HACE1: variants seen among roughly 807,000 people sequenced by gnomAD.
HACE1 encodes the protein HECT domain and ankyrin repeat containing E3 ubiquitin protein ligase 1.
HACE1 carries 73 observed loss-of-function variants against 118.4 expected under a neutral mutation model. The ratio of observed to expected loss-of-function variants is 0.62; its 90% CI spans 0.51 to 0.75. The LOEUF (loss-of-function observed/expected upper bound fraction) is 0.75. Ranked by LOEUF, HACE1 falls within the 30% of genes least tolerant of loss-of-function variation. The pLI is 0.00. For missense variants in HACE1, 749 were observed against 1,102.2 expected (o/e 0.68, Z 4.54); for synonymous variants, 368 against 374.8 (o/e 0.98, Z 0.21).
rs773653787 is a variant in HACE1 at position 104,777,218 on chromosome 6, G to T, written c.1666C>A (p.Leu556Met). 3 of 1,609,118 alleles carry T rather than the reference G, an allele frequency of 1.9e-6. No homozygotes were observed. Among genetic ancestry groups the T allele is most frequent in the Non-Finnish European group, 2.6e-6 (3 of 1,175,436 alleles). Residue 556 changes from leucine (L) to methionine (M), a missense_variant, in exon 15 of 24, where the codon CTG (leucine) becomes ATG (methionine). By Grantham distance (15) the Leu-to-Met change is conservative (BLOSUM62 2). Around this residue, in one of 5 missense-constraint regions of HACE1, gnomAD observed 195 missense variants for 322.1 expected, o/e 0.61. Coordinates refer to ENST00000262903, the MANE Select transcript of HACE1 (RefSeq NM_020771.4). ...TTGTTAAGCATACCTCTGTGAACCA[G>T]CAGGATATCATTTTCATTCACTGGC... The part of the protein sequence containing the change: ...HRPVNENDIL[L>M]VHRDSIFRSS...
At chr6:104,777,484 AAGAC>A (rs1175845311) in intron 14 of HACE1, among the ~76,000 whole-genome samples, 167 bp from the exon 15 acceptor site, 4 of 152,250 alleles carry the variant, frequency 2.6e-5, no homozygotes, top group African/African-American at 7.2e-5. Context: ...TATTTACAAA[AAGAC>A]AGAACTTAGC....
chr6:104,830,987 C>G (rs558090192), intron 6 of HACE1: 1 of 152,222 alleles, frequency 6.6e-6, no homozygotes, highest in Admixed American at 6.5e-5. Flanking sequence ...AGGGATCTCT[C>G]CACCTAATCT....
chr6:104,752,041 A>G (rs941166946), intron 19 of HACE1, among the ~76,000 whole-genome samples: 6 of 151,942 alleles, frequency 3.9e-5, no homozygotes, highest in Non-Finnish European at 5.9e-5. Context: ...AATTCTTCAC[A>G]GCTCTCAGAG....
At chr6:104,747,608 G>C (rs1241022331) in intron 20 of HACE1, among the ~76,000 whole-genome samples, 1 of 151,884 alleles carries the variant, frequency 6.6e-6, no homozygotes, top group East Asian at 1.9e-4. Context: ...ACTGGCAACA[G>C]TGATGGTATC....
chr6:104,837,268 T>TATTAGCAGAGAG (rs1374476131), intron 5 of HACE1, among the ~76,000 whole-genome samples: 1 of 152,214 alleles, frequency 6.6e-6, no homozygotes, highest in Non-Finnish European at 1.5e-5. Flanking sequence ...GACAGTGTGG[T>TATTAGCAGAGAG]ATTAGCAGAG....
At chr6:104,836,487 T>C (rs533475944) in intron 5 of HACE1, among the ~76,000 whole-genome samples, 9 of 151,506 alleles carry the variant, frequency 5.9e-5, no homozygotes, top group Admixed American at 2.6e-4. Flanking sequence ...CCGAGGCGGG[T>C]GAATCACCGG....
chr6:104,754,313 A>C (rs1778379499), intron 19 of HACE1, among the ~76,000 whole-genome samples: 1 of 152,236 alleles, frequency 6.6e-6, no homozygotes, highest in Non-Finnish European at 1.5e-5. Flanking sequence ...GAATGGAACC[A>C]AGTTGGAAAA....
At position 104,791,611 on chromosome 6, in the gene HACE1, T is replaced by C. The variant is rs762356026; in HGVS notation, c.967A>G (p.Ile323Val). Residue 323 changes from isoleucine to valine, a missense_variant, in exon 11 of 24, where the codon ATT (isoleucine) becomes GTT (valine). This residue lies in a region of HACE1 where 267 missense variants were observed against 312.2 expected (regional missense o/e 0.86). Coordinates refer to ENST00000262903, the MANE Select transcript of HACE1 (RefSeq NM_020771.4). ...YDAQMKSLLR[I>V]VRMFCHVFRI... ...AAGACGTGACAAAACATTCTCACAA[T>C]CCTTAAAAGGCTCTTCATTTGAGCA... 6.2e-7 allele frequency: 1 copy of C among 1,611,792 alleles called. No individual in the cohort carries two copies. The highest frequency in any genetic ancestry group is 2.2e-5 in the East Asian group (1 of 44,820).
chr6:104,780,408 T>C (rs770093170), intron 14 of HACE1: 4 of 435,612 alleles, frequency 9.2e-6, no homozygotes, highest in South Asian at 3.3e-5. Flanking sequence ...CTCCTCTTAA[T>C]AGCATTTGTA....
intron 14 of HACE1, among the ~76,000 whole-genome samples, chr6:104,781,852 A>T (rs914212347): frequency 6.6e-6 from 1 of 152,104 alleles, no homozygotes; most frequent in Non-Finnish European, 1.5e-5. Context: ...ACCACTACAC[A>T]TGTAGACACC....
At chr6:104,824,736 C>T (rs1446285720) in intron 6 of HACE1, 1 of 152,032 alleles carries the variant, frequency 6.6e-6, no homozygotes, top group Admixed American at 6.6e-5. Context: ...TCAATATACA[C>T]TCCACTTAAA....
intron 14 of HACE1, chr6:104,780,347 G>C (rs1781599961): frequency 2.2e-6 from 1 of 451,844 alleles, no homozygotes; most frequent in African/African-American, 2.0e-5. Flanking sequence ...AAACTTTCTA[G>C]AGTACCTGCA....
intron 17 of HACE1, among the ~76,000 whole-genome samples, chr6:104,775,541 G>C (rs1020923189): frequency 2.6e-5 from 4 of 152,110 alleles, no homozygotes; most frequent in Admixed American, 6.5e-5. Flanking sequence ...AGGATATAAA[G>C]AGAAGAAATA....
intron 22 of HACE1, among the ~76,000 whole-genome samples, chr6:104,733,641 T>C (rs187586147): frequency 2.8e-4 from 43 of 151,790 alleles, no homozygotes; most frequent in African/African-American, 8.5e-4. Flanking sequence ...TCACTTGAGA[T>C]CAGTAGGGAC....
intron 22 of HACE1, among the ~76,000 whole-genome samples, chr6:104,738,858 C>T (rs1242081414): frequency 2.0e-5 from 3 of 150,738 alleles, no homozygotes; most frequent in Admixed American, 1.3e-4. Context: ...CTCCAAGACA[C>T]ATAACTGTCA....
chr6:104,851,048 A>G, intron 2 of HACE1, 52 bp from the exon 3 acceptor site: 1 of 1,013,004 alleles, frequency 9.9e-7, no homozygotes, highest in Non-Finnish European at 1.6e-6. Context: ...TTTTAAAAAC[A>G]TAATAAATCA....
In HACE1 at chr6:104,742,184, G is replaced by A. The variant is rs1381906949; in HGVS notation, c.2513+1976C>T. On this transcript the variant is annotated intron_variant, in intron 22 of 23. Transcript: ENST00000262903. The stretch of plus-strand genomic sequence containing the variant: ...TTCAAGATGGATTAAAGACTTAAAC[G>A]TTAGACCTAAAACCATAAAAACACT... 2.3e-5 allele frequency among the ~76,000 whole-genome samples: 3 copies of A among 132,282 alleles called. 1 individual carries two copies. Among genetic ancestry groups the A allele is most frequent in the African/African-American group, 3.3e-5 (1 of 30,540 alleles). The allele number at this position is 132,282 out of a possible 152,430, so 86.8% of individuals were successfully genotyped here. A position where few individuals can be genotyped will look rare whatever the true frequency, so the allele number is the denominator to read the frequency against.
At chr6:104,745,132 G>A (rs928105373) in intron 20 of HACE1, among the ~76,000 whole-genome samples, 5 of 152,042 alleles carry the variant, frequency 3.3e-5, no homozygotes, top group African/African-American at 9.7e-5. Context: ...AGGCCTTTTA[G>A]GAATTCAATT....
chr6:104,774,042 T>C (rs1780915616), intron 17 of HACE1, among the ~76,000 whole-genome samples: 1 of 151,412 alleles, frequency 6.6e-6, no homozygotes, highest in Non-Finnish European at 1.5e-5. Context: ...CTAACTGAGT[T>C]CTTACCACAT....
Sources: gnomAD v4.1 joint callset for allele counts (sites outside exome capture counted in the v4.1 genomes callset) on GRCh38, gnomAD v4.1.1 for gene constraint, gnomAD v4.1.1 regional missense constraint, MANE v1.5 for transcripts, NCBI Gene and HGNC (gene_info 2026-07-23, HGNC 2026-07-21) for gene names.